The following CDH12 variants were observed in gnomAD, a reference collection of about 807,000 sequenced individuals.
CDH12 encodes the protein cadherin-12.
Under a neutral mutation model 74.1 loss-of-function variants are expected in CDH12, and 41 were observed. The ratio of observed to expected loss-of-function variants is 0.55; its 90% CI spans 0.43 to 0.72. CDH12 has a LOEUF of 0.72. Among genes scored for constraint, CDH12 ranks in the 30% least tolerant of loss-of-function variants. The pLI, the probability that CDH12 is intolerant of heterozygous loss-of-function variation, is 0.00. For synonymous variants in CDH12, 399 were observed against 355.0 expected, an observed-to-expected ratio of 1.12 and a Z score of -1.39; for missense variants, 945 against 977.2, an observed-to-expected ratio of 0.97 and a Z score of 0.44.
intron 4 of CDH12, among the ~76,000 whole-genome samples, chr5:22,161,534 CATA>C (rs748601549): frequency 2.0e-5 from 3 of 151,156 alleles, no homozygotes; most frequent in East Asian, 1.9e-4. Flanking sequence ...CTGTCTGTAT[CATA>C]ATAATAATAA....
At chr5:21,821,403 A>G (rs1044058393) in intron 8 of CDH12, among the ~76,000 whole-genome samples, 2 of 151,964 alleles carry the variant, frequency 1.3e-5, no homozygotes, top group Non-Finnish European at 2.9e-5. Context: ...TGAATGAATG[A>G]CTTTAAAAAT....
intron 1 of CDH12, among the ~76,000 whole-genome samples, chr5:22,700,301 G>A (rs1742647825): frequency 6.6e-6 from 1 of 152,112 alleles, no homozygotes; most frequent in Non-Finnish European, 1.5e-5. Context: ...GTGGACAAAT[G>A]TTCTGTGTTG....
intron 4 of CDH12, among the ~76,000 whole-genome samples, chr5:22,170,592 AGT>A (rs1370256689): frequency 6.6e-6 from 1 of 150,674 alleles, no homozygotes; most frequent in Non-Finnish European, 1.5e-5. Flanking sequence ...CTTATATATA[AGT>A]TATATATAAG....
At chr5:22,333,640 A>G (rs1227911276) in intron 3 of CDH12, among the ~76,000 whole-genome samples, 1 of 152,200 alleles carries the variant, frequency 6.6e-6, no homozygotes, top group Non-Finnish European at 1.5e-5. Context: ...CTAGAAGGTC[A>G]ATGTTATACT....
intron 1 of CDH12, among the ~76,000 whole-genome samples, chr5:22,829,505 A>C (rs910926358): frequency 6.6e-6 from 1 of 152,128 alleles, no homozygotes; most frequent in Non-Finnish European, 1.5e-5. Context: ...ACACAATCGC[A>C]GTCTTGTCTT....
At chr5:22,463,058 G>T (rs1319321217) in intron 2 of CDH12, among the ~76,000 whole-genome samples, 4 of 152,104 alleles carry the variant, frequency 2.6e-5, no homozygotes, top group Non-Finnish European at 5.9e-5. Context: ...TTACAAAAAA[G>T]TTAAAGTGCT....
At chr5:22,562,055 C>T (rs1561491747) in intron 1 of CDH12, among the ~76,000 whole-genome samples, 2 of 152,162 alleles carry the variant, frequency 1.3e-5, no homozygotes, top group African/African-American at 2.4e-5. Context: ...CGGTGGCTCA[C>T]GCCTGTAATC....
At chr5:21,921,215 A>G (rs1263530307) in intron 6 of CDH12, among the ~76,000 whole-genome samples, 1 of 152,220 alleles carries the variant, frequency 6.6e-6, no homozygotes, top group Non-Finnish European at 1.5e-5. Context: ...GCACAGAATT[A>G]TATGGCTATG....
chr5:21,783,241 C>G (rs989695166), intron 11 of CDH12, 117 bp downstream of exon 11: 2 of 864,368 alleles, frequency 2.3e-6, no homozygotes, highest in Non-Finnish European at 3.6e-6. Context: ...TGAGTTTCCC[C>G]GCGAGACCAC....
At chr5:22,446,435 C>T (rs1033674361) in intron 2 of CDH12, among the ~76,000 whole-genome samples, 1 of 149,452 alleles carries the variant, frequency 6.7e-6, no homozygotes, top group African/African-American at 2.6e-5. Flanking sequence ...ACATTCTGTT[C>T]AACAACAACA....
At chr5:21,873,705 G>C (rs980707684) in intron 6 of CDH12, among the ~76,000 whole-genome samples, 27 of 152,190 alleles carry the variant, frequency 1.8e-4, no homozygotes, top group African/African-American at 6.0e-4. Context: ...CGTGTGCCAT[G>C]GTGGTTTGCT....
chr5:22,005,576 TAAAAAA>T (rs34608588), intron 5 of CDH12, among the ~76,000 whole-genome samples: 1 of 142,680 alleles, frequency 7.0e-6, no homozygotes, highest in Non-Finnish European at 1.5e-5. Flanking sequence ...GTGATCTACT[TAAAAAA>T]AAAAAAAACC....
At chr5:22,030,563 A>T (rs939488617) in intron 5 of CDH12, among the ~76,000 whole-genome samples, 6 of 152,218 alleles carry the variant, frequency 3.9e-5, no homozygotes, top group Non-Finnish European at 8.8e-5. Context: ...TGTTTCATTT[A>T]TATAGCACAG....
At chr5:22,176,304 CT>C (rs925739167) in intron 4 of CDH12, among the ~76,000 whole-genome samples, 3 of 151,936 alleles carry the variant, frequency 2.0e-5, no homozygotes, top group Non-Finnish European at 4.4e-5. Context: ...TGCTTTGTTT[CT>C]TTTTTTGAAA....
chr5:21,970,756 C>T (rs1364317966), intron 6 of CDH12, among the ~76,000 whole-genome samples: 3 of 131,850 alleles, frequency 2.3e-5, no homozygotes, highest in African/African-American at 5.7e-5. Context: ...AGGAGAATCA[C>T]TTGAACCTGG....
intron 4 of CDH12, among the ~76,000 whole-genome samples, chr5:22,148,267 G>C (rs1426884562): frequency 2.0e-5 from 3 of 152,144 alleles, no homozygotes; most frequent in South Asian, 2.1e-4. Context: ...TATTTATTAA[G>C]TATTTGCTGC....
chr5:22,477,848 A>G (rs572054379), intron 2 of CDH12, among the ~76,000 whole-genome samples: 4 of 152,354 alleles, frequency 2.6e-5, no homozygotes, highest in Admixed American at 1.3e-4. Flanking sequence ...AGCTTTTGCT[A>G]AAGTGTAACA....
At chr5:22,405,795 G>T (rs1742915683) in intron 2 of CDH12, among the ~76,000 whole-genome samples, 1 of 152,130 alleles carries the variant, frequency 6.6e-6, no homozygotes, top group South Asian at 2.1e-4. Flanking sequence ...ATCTGTGGCA[G>T]ACTTGGTTCC....
rs1036759247 is a variant in CDH12, at chr5:22,681,741, G to C, written c.-523+171317C>G. Among the ~76,000 whole-genome samples, 11 of 152,094 alleles carry C rather than the reference G, an allele frequency of 7.2e-5. No homozygotes were observed. In the East Asian group the frequency reaches 2.1e-3, roughly 29 times the overall value. On this transcript the variant is annotated intron_variant, in intron 1 of 14. Coordinates refer to ENST00000382254, the MANE Select transcript of CDH12 (RefSeq NM_004061.5). ...AAAAAAGATCTGAAACATTGTGATT[G>C]TTTCAAATTTTTAGAAATCTGGTAA... is the stretch of plus-strand genomic sequence containing the variant.
Sources: allele counts gnomAD v4.1 joint callset (sites outside exome capture counted in the v4.1 genomes callset), GRCh38; gene constraint gnomAD v4.1.1; transcripts MANE v1.5; gene names NCBI Gene and HGNC (gene_info 2026-07-23, HGNC 2026-07-21).